ENTPD3: variants seen among roughly 807,000 people sequenced by gnomAD.
ENTPD3 encodes the protein ectonucleoside triphosphate diphosphohydrolase 3.
In ENTPD3, 60 loss-of-function variants were observed where a neutral mutation model predicts 51.2. The observed-to-expected ratio is 1.17, with a 90% CI of 0.95 to 1.45. The LOEUF (loss-of-function observed/expected upper bound fraction) is 1.45, where lower values mean the gene tolerates loss of function less well. Among genes scored for constraint, ENTPD3 ranks in the 40% most tolerant of loss-of-function variants. The pLI, the probability that ENTPD3 is intolerant of heterozygous loss-of-function variation, is 0.00. For missense variants in ENTPD3, 593 were observed against 641.1 expected, an observed-to-expected ratio of 0.93 and a Z score of 0.81; for synonymous variants, 221 against 238.4, an observed-to-expected ratio of 0.93 and a Z score of 0.67.
chr3:40,419,351 G>T (rs572032917), intron 7 of ENTPD3, among the ~76,000 whole-genome samples: 1 of 148,088 alleles, frequency 6.8e-6, no homozygotes, highest in Non-Finnish European at 1.5e-5. Context: ...ATAAGCTTCA[G>T]GAATTCCAAA....
chr3:40,416,262 C>G (rs1955745886), intron 7 of ENTPD3, among the ~76,000 whole-genome samples, 189 bp downstream of exon 7: 7 of 152,188 alleles, frequency 4.6e-5, no homozygotes. Flanking sequence ...CCCTCCGTCT[C>G]CCTCTCATGT....
chr3:40,423,422 G>C (rs1003977195), intron 9 of ENTPD3, 21 bp downstream of exon 9: 1 of 1,501,606 alleles, frequency 6.7e-7, no homozygotes, highest in Non-Finnish European at 9.3e-7. Context: ...AAAGAGAAGG[G>C]ATCAATGTCA....
At chr3:40,389,610 G>C (rs1699707571) in intron 2 of ENTPD3, among the ~76,000 whole-genome samples, 1 of 152,196 alleles carries the variant, frequency 6.6e-6, no homozygotes, top group Non-Finnish European at 1.5e-5. Flanking sequence ...TCAATGACAA[G>C]GTAGGAGGAT....
At chr3:40,393,666 T>C (rs1266249459) in intron 3 of ENTPD3, among the ~76,000 whole-genome samples, 1 of 152,064 alleles carries the variant, frequency 6.6e-6, no homozygotes, top group East Asian at 1.9e-4. Flanking sequence ...AAAAAAAACC[T>C]TATGCAATCA....
intron 2 of ENTPD3, among the ~76,000 whole-genome samples, chr3:40,388,434 A>G (rs1954986261): frequency 6.6e-6 from 1 of 152,120 alleles, no homozygotes; most frequent in South Asian, 2.1e-4. Context: ...GATCAATTGT[A>G]CAGTACTTGG....
rs192603669 is a variant in ENTPD3 at position 40,404,151 on chromosome 3, G to A, written c.286+3140G>A. On this transcript the variant is annotated intron_variant, in intron 4 of 10. Transcript: ENST00000301825. ...AGGAAAGAGAAGATAGTGTAGGATCGAGATTGAGACTTCACCTCATCCCTA... is the reference window on the plus strand; with the variant it reads ...AGGAAAGAGAAGATAGTGTAGGATCAAGATTGAGACTTCACCTCATCCCTA... 1.8e-3 allele frequency among the ~76,000 whole-genome samples: 272 copies of A among 152,110 alleles called. 1 individual carries two copies. Among genetic ancestry groups the A allele is most frequent in the African/African-American group, 5.9e-3 (246 of 41,500 alleles).
At chr3:40,391,654 C>T (rs1300237755) in intron 2 of ENTPD3, 7 of 228,938 alleles carry the variant, frequency 3.1e-5, no homozygotes, top group South Asian at 1.6e-4. Flanking sequence ...CTAACCTGGG[C>T]GATAGAGTGA....
At chr3:40,413,296 G>C (rs1955675951) in intron 5 of ENTPD3, among the ~76,000 whole-genome samples, 1 of 152,160 alleles carries the variant, frequency 6.6e-6, no homozygotes. Flanking sequence ...TTAGGATGCT[G>C]TTTACTCTCC....
At chr3:40,392,377 G>A (rs941913355) in intron 3 of ENTPD3, 2 of 508,512 alleles carry the variant, frequency 3.9e-6, no homozygotes, top group Non-Finnish European at 6.9e-6. Flanking sequence ...TCCAAGGACT[G>A]TGTAGTCTTG....
At position 40,411,843 on chromosome 3, in the gene ENTPD3, C is replaced by T. The variant is rs527266746; in HGVS notation, c.318C>T (p.Pro106=). The part of the protein sequence containing the change: ...GSGISSYGNN[P]QDVPRAFEEC... Reference sequence around the variant, plus strand: ...GAATCTCCAGCTATGGAAATAACCCCCAAGATGTCCCCAGAGCCTTTGAGG... The same window carrying T: ...GAATCTCCAGCTATGGAAATAACCCTCAAGATGTCCCCAGAGCCTTTGAGG... Residue 106 remains proline, a synonymous_variant, in exon 5 of 11, where the codon CCC becomes CCT. Transcript: ENST00000301825. The T allele has an allele frequency of 6.3e-7, 1 of 1,598,764 alleles. No homozygotes were observed. The highest frequency in any genetic ancestry group is 2.3e-5 in the East Asian group (1 of 44,028).
intron 7 of ENTPD3, among the ~76,000 whole-genome samples, chr3:40,421,925 A>G (rs1230743006): frequency 6.6e-6 from 1 of 152,224 alleles, no homozygotes; most frequent in Non-Finnish European, 1.5e-5. Context: ...CAAGTGGATG[A>G]GAAGGAGACT....
rs939112925 is a variant in ENTPD3, at chr3:40,424,018, G to C, written c.1353+55G>C. 6.8e-6 allele frequency: 11 copies of C among 1,610,940 alleles called. No homozygotes were observed. In the African/African-American group the frequency reaches 1.5e-4, roughly 22 times the overall value. On this transcript the variant is annotated intron_variant, in intron 10 of 10. Transcript: ENST00000301825. ...TTCTTCCCAACAGAGAGGTTTGTAT[G>C]TGTGTGTGGAACAAATGTAGAAGGT...
chr3:40,422,954 G>C lies in ENTPD3; in HGVS notation c.936G>C (p.Gln312His). ...TTGATAGCCTGTGCACTGTGGACCA[G>C]AGGCCAGAAAGTTATAACCCCAATG... ...HVFDSLCTVD[Q>H]RPESYNPNDV... is the part of the protein sequence containing the mutation. Residue 312 changes from glutamine to histidine, a missense_variant, in exon 8 of 11, where the codon CAG (glutamine) becomes CAC (histidine). Gln to His is a conservative substitution (Grantham distance 24). Transcript: ENST00000301825. 6.2e-7 allele frequency: 1 copy of C among 1,614,114 alleles called. No homozygotes were observed. Among genetic ancestry groups the C allele is most frequent in the South Asian group, 1.1e-5 (1 of 91,072 alleles).
intron 1 of ENTPD3, 84 bp from the exon 2 acceptor site, chr3:40,387,962 T>C (rs535512389): frequency 4.1e-5 from 48 of 1,161,444 alleles, no homozygotes; most frequent in Non-Finnish European, 5.7e-5. Flanking sequence ...GTAAAATGGG[T>C]TTTGTCTTAA....
At chr3:40,416,124 CT>C (rs779010074) in intron 7 of ENTPD3, 51 bp downstream of exon 7, 1 of 1,366,856 alleles carries the variant, frequency 7.3e-7, no homozygotes, top group South Asian at 1.2e-5. Flanking sequence ...AGGGTTTGAG[CT>C]GAGGGGAGAA....
intron 2 of ENTPD3, among the ~76,000 whole-genome samples, chr3:40,390,776 C>G (rs1471097199): frequency 6.6e-6 from 1 of 152,106 alleles, no homozygotes; most frequent in African/African-American, 2.4e-5. Context: ...TGCACACATC[C>G]ATATACTCCA....
intron 4 of ENTPD3, among the ~76,000 whole-genome samples, chr3:40,407,279 A>G (rs979627645): frequency 1.3e-5 from 2 of 151,812 alleles, no homozygotes; most frequent in African/African-American, 4.8e-5. Flanking sequence ...TAACTGCTCA[A>G]CTCTGCCCCT....
At chr3:40,396,035 C>T (rs1955189719) in intron 3 of ENTPD3, among the ~76,000 whole-genome samples, 1 of 152,158 alleles carries the variant, frequency 6.6e-6, no homozygotes, top group South Asian at 2.1e-4. Context: ...AACCAGGAGA[C>T]ACACCCTCCA....
chr3:40,396,993 G>A (rs1955216354), intron 3 of ENTPD3, among the ~76,000 whole-genome samples: 1 of 152,062 alleles, frequency 6.6e-6, no homozygotes, highest in Non-Finnish European at 1.5e-5. Context: ...AAAACCACTG[G>A]CCCAGTCTGT....
Sources: gnomAD v4.1 joint callset for allele counts (sites outside exome capture counted in the v4.1 genomes callset) on GRCh38, gnomAD v4.1.1 for gene constraint, MANE v1.5 for transcripts, NCBI Gene and HGNC (gene_info 2026-07-23, HGNC 2026-07-21) for gene names.